The following PEAR1 variants were observed in gnomAD, a reference collection of about 807,000 sequenced individuals.
PEAR1 encodes platelet endothelial aggregation receptor 1.
Under a neutral mutation model 131.2 loss-of-function variants are expected in PEAR1, and 113 were observed. The observed-to-expected ratio is 0.86, with a 90% CI of 0.74 to 1.01. The LOEUF (loss-of-function observed/expected upper bound fraction) is 1.01. Among genes scored for constraint, PEAR1 ranks in the 50% least tolerant of loss-of-function variants. PEAR1 has a pLI of 0.00. For missense variants in PEAR1, 1,408 were observed against 1,391.1 expected, an observed-to-expected ratio of 1.01 and a Z score of -0.19; for synonymous variants, 565 against 523.3, an observed-to-expected ratio of 1.08 and a Z score of -1.09.
intron 11 of PEAR1, among the ~76,000 whole-genome samples, chr1:156,909,281 ACGTCC>A (rs1650763764): frequency 6.6e-6 from 1 of 152,186 alleles, no homozygotes; most frequent in East Asian, 1.9e-4. Flanking sequence ...TCACTGGCGA[ACGTCC>A]CTCACCCTCA....
chr1:156,899,517 C>T (rs1449328817), intron 1 of PEAR1, among the ~76,000 whole-genome samples: 3 of 152,122 alleles, frequency 2.0e-5, no homozygotes, highest in Non-Finnish European at 2.9e-5. Flanking sequence ...TTCCCATTCC[C>T]GGATCATCCT....
Position 156,908,431 on chromosome 1 carries a change from G to A in PEAR1, c.1115+91G>A. The stretch of plus-strand genomic sequence containing the variant: ...ACCACAGAGCCAGGGCCATATCCAA[G>A]GGGGACAGGTGTCACAGAAGGGGAA... On this transcript the variant is annotated intron_variant, in intron 9 of 22. Transcript: ENST00000292357. This position sits in a 1 kb window ranked among gnomAD's most constrained non-coding sequence, Gnocchi z 4.2. The A allele has an allele frequency of 7.2e-7, 1 of 1,387,704 alleles. No homozygotes were observed. The highest frequency in any genetic ancestry group is 9.5e-7 in the Non-Finnish European group (1 of 1,051,094). The allele number at this position is 1,387,704 out of a possible 1,614,324, so 86.0% of individuals were successfully genotyped here.
chr1:156,894,774 C>T (rs576964371), intron 1 of PEAR1, among the ~76,000 whole-genome samples: 41 of 152,302 alleles, frequency 2.7e-4, no homozygotes, highest in Admixed American at 4.6e-4. Context: ...CCCTAGTCCC[C>T]GGGGACAGGA....
At chr1:156,913,134 C>A in intron 18 of PEAR1, 60 bp from the exon 19 acceptor site, 1 of 1,575,004 alleles carries the variant, frequency 6.3e-7, no homozygotes. Flanking sequence ...GGGGACAAAA[C>A]AGCTCTCTTG....
At chr1:156,911,009 T>TAG (rs1247939618) in intron 15 of PEAR1, among the ~76,000 whole-genome samples, 1 of 152,084 alleles carries the variant, frequency 6.6e-6, no homozygotes, top group Admixed American at 6.5e-5. Context: ...ATCATAGGCT[T>TAG]AGCTTGGGAC....
chr1:156,895,616 T>C (rs1649088720), intron 1 of PEAR1, among the ~76,000 whole-genome samples: 1 of 152,052 alleles, frequency 6.6e-6, no homozygotes, highest in South Asian at 2.1e-4. Context: ...GGCTGACAGA[T>C]GCAGAGACAC....
intron 1 of PEAR1, among the ~76,000 whole-genome samples, chr1:156,899,253 A>G (rs765278400): frequency 2.6e-5 from 4 of 152,190 alleles, no homozygotes; most frequent in Non-Finnish European, 5.9e-5. Context: ...TTTGTACTCC[A>G]GGATAGGAAG....
Position 156,908,685 on chromosome 1 carries a change from C to T in PEAR1, c.1146C>T (p.Cys382=). 1 of 1,535,102 alleles carries T rather than the reference C, an allele frequency of 6.5e-7. No homozygotes were observed. Among genetic ancestry groups the T allele is most frequent in the Non-Finnish European group, 8.7e-7 (1 of 1,145,772 alleles). ...ACCCGATGAACGGGGAGTGCTCCTG[C>T]CTGCCGGGCTGGGCGGGCCTCCACT... ...SCHPMNGECS[C]LPGWAGLHCN... is the part of the protein sequence containing the mutation. The change falls in exon 10 of 23, where the codon TGC becomes TGT. Residue 382 remains cysteine, a synonymous_variant. Coordinates refer to ENST00000292357, the MANE Select transcript of PEAR1 (RefSeq NM_001080471.3). The surrounding 1 kb of genome is among the most constrained non-coding windows in gnomAD (Gnocchi z 4.2).
Position 156,908,825 on chromosome 1 carries a change from A to G in PEAR1, c.1286A>G (p.Tyr429Cys). 1 of 1,605,156 alleles carries G rather than the reference A, an allele frequency of 6.2e-7. No homozygotes were observed. Among genetic ancestry groups the G allele is most frequent in the Non-Finnish European group, 8.5e-7 (1 of 1,178,448 alleles). Reference protein sequence around the residue: ...TSGLCQCAPGYTGPHCASLCP... With the variant: ...TSGLCQCAPGCTGPHCASLCP... ...GGCCTCTGTCAGTGCGCGCCGGGTTACACGGTGAGGCGCGCCCGGCTGCAA... is the reference window on the plus strand; with the variant it reads ...GGCCTCTGTCAGTGCGCGCCGGGTTGCACGGTGAGGCGCGCCCGGCTGCAA... Residue 429 changes from tyrosine to cysteine, a missense_variant, in exon 10 of 23, where the codon TAC (tyrosine) becomes TGC (cysteine). Transcript: ENST00000292357. The surrounding 1 kb of genome is among the most constrained non-coding windows in gnomAD (Gnocchi z 4.2).
At chr1:156,900,149 G>A (rs1649539683) in intron 1 of PEAR1, among the ~76,000 whole-genome samples, 1 of 152,174 alleles carries the variant, frequency 6.6e-6, no homozygotes. Context: ...CGGAGGCTGA[G>A]AGGGCAGGGA....
Position 156,910,077 on chromosome 1 carries a change from T to C in PEAR1, c.1647T>C (p.His549=), listed in dbSNP as rs534463624. 9 of 1,614,180 alleles carry C rather than the reference T, an allele frequency of 5.6e-6. No individual in the cohort carries two copies. In the South Asian group the frequency reaches 8.8e-5, roughly 16 times the overall value. ...CDHSDGCDPV[H]GRCQCQAGWM... The stretch of plus-strand genomic sequence containing the variant: ...ACTCTGATGGCTGTGACCCTGTTCA[T>C]GGACGCTGTCAGTGCCAGGCTGGCT... The change falls in exon 13 of 23, where the codon CAT becomes CAC. Residue 549 remains histidine, a synonymous_variant. Coordinates refer to ENST00000292357, the MANE Select transcript of PEAR1 (RefSeq NM_001080471.3).
rs930689677 is a variant in PEAR1 at position 156,912,992 on chromosome 1, C to T, written c.2422+10C>T. 2 of 1,613,760 alleles carry T rather than the reference C, an allele frequency of 1.2e-6. No individual in the cohort carries two copies. The highest frequency in any genetic ancestry group is 1.3e-5 in the African/African-American group (1 of 74,924). ...GAGTATGTCATGCCAGGTGAGCTGG[C>T]ACAGGGCCTGGGGCACAGATGAGTG... On this transcript the variant is annotated intron_variant, in intron 18 of 22. Transcript: ENST00000292357.
chr1:156,914,698 G>A lies in PEAR1; in HGVS notation c.3014G>A (p.Gly1005Asp). The A allele has an allele frequency of 6.2e-7, 1 of 1,613,816 alleles. No individual in the cohort carries two copies. Among genetic ancestry groups the A allele is most frequent in the Non-Finnish European group, 8.5e-7 (1 of 1,179,838 alleles). The change falls in exon 23 of 23, where the codon GGC becomes GAC. Residue 1005 changes from glycine to aspartate, a missense_variant. Gly to Asp is a moderately conservative substitution (Grantham distance 94). Coordinates refer to ENST00000292357, the MANE Select transcript of PEAR1 (RefSeq NM_001080471.3). ...QPPLPPGLPP[G>D]HYDSPKNSHI... ...CCTCTGCCTCCGGGCCTACCCCCCG[G>A]CCACTATGACTCACCCAAGAACAGC...
rs746824425 is a variant in PEAR1, at chr1:156,912,861, T to C, written c.2301T>C (p.Leu767=). 5 of 1,614,078 alleles carry C rather than the reference T, an allele frequency of 3.1e-6. No individual in the cohort carries two copies. The Admixed American group carries it at 6.7e-5, about 22-fold the overall frequency. Residue 767 remains leucine, a synonymous_variant, in exon 18 of 23, where the codon CTT becomes CTC. Coordinates refer to ENST00000292357, the MANE Select transcript of PEAR1 (RefSeq NM_001080471.3). ...TTGGCATTGCAGTGCTGGGGTCCCT[T>C]GTGGTAGCCCTGGTGGCACTGTTCA... is the stretch of plus-strand genomic sequence containing the variant. ...AVIGIAVLGS[L]VVALVALFIG...
rs140841954 is a variant in PEAR1 at position 156,910,353 on chromosome 1, G to A, written c.1798G>A (p.Gly600Arg). 10 of 1,604,730 alleles carry A rather than the reference G, an allele frequency of 6.2e-6. No individual in the cohort carries two copies. Among genetic ancestry groups the A allele is most frequent in the South Asian group, 2.2e-5 (2 of 89,602 alleles). Residue 600 changes from glycine (G) to arginine (R), a missense_variant, in exon 14 of 23, where the codon GGA becomes AGA. Gly to Arg is a moderately radical substitution (Grantham distance 125). Coordinates refer to ENST00000292357, the MANE Select transcript of PEAR1 (RefSeq NM_001080471.3). ...GAATGGCAACTGCGTGTGTGCACCC[G>A]GATTCCGGGGCCCCTCCTGCCAGAG... ...PENGNCVCAP[G>R]FRGPSCQRSC...
rs991576981 is a variant in PEAR1 at position 156,912,757 on chromosome 1, C to G, written c.2210-13C>G. On this transcript the variant is annotated splice_polypyrimidine_tract_variant and intron_variant, in intron 17 of 22. Transcript: ENST00000292357. ...CAAGATGCCATTCTGAGTGAGCACCCCATTCCACACAGGAATCCAGGAGCC... is the reference window on the plus strand; with the variant it reads ...CAAGATGCCATTCTGAGTGAGCACCGCATTCCACACAGGAATCCAGGAGCC... The G allele has an allele frequency of 6.2e-7, 1 of 1,613,982 alleles. No homozygotes were observed. Among genetic ancestry groups the G allele is most frequent in the African/African-American group, 1.3e-5 (1 of 75,036 alleles).
Position 156,907,596 on chromosome 1 carries a change from A to G in PEAR1, c.645-14A>G, listed in dbSNP as rs1342011516. The G allele has an allele frequency of 1.2e-6, 2 of 1,602,896 alleles. No homozygotes were observed. On this transcript the variant is annotated splice_polypyrimidine_tract_variant and intron_variant, in intron 6 of 22. Coordinates refer to ENST00000292357, the MANE Select transcript of PEAR1 (RefSeq NM_001080471.3). ...GCTTGTTTGCACATTGACTCCACCC[A>G]CTCTGTCCTGCAGCTGTGACGTGTC... is the stretch of plus-strand genomic sequence containing the variant.
At chr1:156,905,027 T>A in intron 3 of PEAR1, 175 bp downstream of exon 3, 1 of 1,535,176 alleles carries the variant, frequency 6.5e-7, no homozygotes, top group Non-Finnish European at 8.8e-7. Context: ...TATATGTGAA[T>A]GCGTGTATGT....
At chr1:156,899,353 G>C (rs1229393518) in intron 1 of PEAR1, among the ~76,000 whole-genome samples, 1 of 151,988 alleles carries the variant, frequency 6.6e-6, no homozygotes, top group East Asian at 1.9e-4. Flanking sequence ...CAGGGCTGGG[G>C]GAAGCAGAAT....
Sources: gnomAD v4.1 joint callset for allele counts (sites outside exome capture counted in the v4.1 genomes callset) on GRCh38, gnomAD v4.1.1 for gene constraint, Gnocchi (gnomAD v3.1) non-coding constraint, MANE v1.5 for transcripts, NCBI Gene and HGNC (gene_info 2026-07-23, HGNC 2026-07-21) for gene names.